DCC: variants seen among roughly 807,000 people sequenced by gnomAD.
DCC encodes the protein DCC netrin 1 receptor, also known as netrin receptor DCC.
Under a neutral mutation model 172.5 loss-of-function variants are expected in DCC, and 58 were observed. The observed-to-expected ratio is 0.34, with a 90% CI of 0.27 to 0.42. DCC has a LOEUF of 0.42. Among genes scored for constraint, DCC ranks in the 10% least tolerant of loss-of-function variants. The probability of loss-of-function intolerance (pLI) is 1.00; values close to 1 mark genes in which losing one functional copy is unlikely to be tolerated. For synonymous variants in DCC, 709 were observed against 644.5 expected (o/e 1.10, Z -1.52); for missense variants, 1,740 against 1,791.0 (o/e 0.97, Z 0.51).
At chr18:53,368,700 C>A (rs1467687679) in intron 15 of DCC, among the ~76,000 whole-genome samples, 1 of 152,006 alleles carries the variant, frequency 6.6e-6, no homozygotes, top group Non-Finnish European at 1.5e-5. Context: ...AAAAGACTGT[C>A]CTTTCTCCAT....
chr18:52,916,883 T>G (rs1307248328), intron 3 of DCC, among the ~76,000 whole-genome samples: 2 of 152,194 alleles, frequency 1.3e-5, no homozygotes, highest in Non-Finnish European at 2.9e-5. Flanking sequence ...CCAATAATTT[T>G]TAAGATTTAT....
intron 7 of DCC, among the ~76,000 whole-genome samples, chr18:53,118,049 C>G (rs1017303685): frequency 6.6e-6 from 1 of 151,806 alleles, no homozygotes; most frequent in Non-Finnish European, 1.5e-5. Context: ...TCATCATAAA[C>G]ACCTCTGTTG....
intron 7 of DCC, among the ~76,000 whole-genome samples, chr18:53,085,832 T>A (rs1301806214): frequency 2.0e-5 from 3 of 151,550 alleles, no homozygotes; most frequent in East Asian, 1.9e-4. Flanking sequence ...TCAAAAAAAA[T>A]TCAGTTATTA....
intron 12 of DCC, among the ~76,000 whole-genome samples, chr18:53,240,019 C>A (rs1598937080): frequency 6.2e-5 from 6 of 96,238 alleles, no homozygotes; most frequent in Admixed American, 1.3e-4. Flanking sequence ...AATTCTAGTT[C>A]TAGAGTTAAA....
intron 2 of DCC, among the ~76,000 whole-genome samples, chr18:52,832,971 T>G (rs1235134480): frequency 6.6e-6 from 1 of 152,148 alleles, no homozygotes; most frequent in African/African-American, 2.4e-5. Flanking sequence ...ACTCTTAGAT[T>G]AGCCATATGC....
At chr18:52,643,647 C>T (rs892786465) in intron 1 of DCC, among the ~76,000 whole-genome samples, 2 of 152,118 alleles carry the variant, frequency 1.3e-5, no homozygotes, top group Admixed American at 1.3e-4. Context: ...TTGAAAGGAC[C>T]AGTCTGTGCC....
chr18:52,517,832 A>G (rs1006318982), intron 1 of DCC, among the ~76,000 whole-genome samples: 1 of 152,154 alleles, frequency 6.6e-6, no homozygotes, highest in Non-Finnish European at 1.5e-5. Context: ...TTAATTTTAA[A>G]GGGATTAGGA....
chr18:53,045,165 A>G (rs1004048577), intron 5 of DCC, among the ~76,000 whole-genome samples: 1 of 151,918 alleles, frequency 6.6e-6, no homozygotes, highest in Non-Finnish European at 1.5e-5. Context: ...GGTAAGTACA[A>G]TTATGCAAAT....
intron 1 of DCC, among the ~76,000 whole-genome samples, chr18:52,513,441 T>C (rs1321343955): frequency 6.6e-6 from 1 of 152,216 alleles, no homozygotes; most frequent in African/African-American, 2.4e-5. Flanking sequence ...TTGAAATCTG[T>C]ATAAAGCTCT....
intron 16 of DCC, among the ~76,000 whole-genome samples, chr18:53,389,235 A>T (rs894259512): frequency 6.6e-6 from 1 of 151,932 alleles, no homozygotes; most frequent in Non-Finnish European, 1.5e-5. Context: ...CTTGAATGTA[A>T]CCACTCAGAG....
At chr18:53,529,223 T>C (rs2046498645) in intron 28 of DCC, among the ~76,000 whole-genome samples, 1 of 152,158 alleles carries the variant, frequency 6.6e-6, no homozygotes, top group Non-Finnish European at 1.5e-5. Flanking sequence ...ATTAATACCA[T>C]ACATTTTGAG....
At chr18:52,446,434 T>G (rs1988125473) in intron 1 of DCC, among the ~76,000 whole-genome samples, 1 of 152,248 alleles carries the variant, frequency 6.6e-6, no homozygotes, top group Non-Finnish European at 1.5e-5. Context: ...CTTCTTTTCC[T>G]GGCTTCAATA....
intron 2 of DCC, among the ~76,000 whole-genome samples, chr18:52,830,105 T>C (rs774302931): frequency 6.6e-6 from 1 of 151,958 alleles, no homozygotes; most frequent in South Asian, 2.1e-4. Flanking sequence ...TAGACCAGCA[T>C]GAAGGGAAGT....
intron 12 of DCC, among the ~76,000 whole-genome samples, chr18:53,234,365 G>A (rs969145247): frequency 1.3e-5 from 2 of 152,062 alleles, no homozygotes; most frequent in Non-Finnish European, 2.9e-5. Context: ...GGAGGCAGAG[G>A]TTGCAGTGCG....
chr18:53,505,651 C>A (rs573304483), intron 27 of DCC, among the ~76,000 whole-genome samples: 1 of 152,186 alleles, frequency 6.6e-6, no homozygotes, highest in Non-Finnish European at 1.5e-5. Flanking sequence ...TATTCAGTGG[C>A]CATCCAGATA....
chr18:53,516,176 C>T (rs1223484789), intron 27 of DCC, among the ~76,000 whole-genome samples: 2 of 150,996 alleles, frequency 1.3e-5, no homozygotes, highest in African/African-American at 2.5e-5. Context: ...CTTTGACAAA[C>T]CTGAGAAAAA....
At chr18:52,895,759 T>A (rs1225903564) in intron 2 of DCC, among the ~76,000 whole-genome samples, 1 of 152,188 alleles carries the variant, frequency 6.6e-6, no homozygotes, top group African/African-American at 2.4e-5. Context: ...ATGTATGGAT[T>A]CCTAGAAGAA....
At chr18:53,264,332 C>A (rs2056642446) in intron 12 of DCC, among the ~76,000 whole-genome samples, 1 of 151,852 alleles carries the variant, frequency 6.6e-6, no homozygotes, top group Non-Finnish European at 1.5e-5. Flanking sequence ...ATTAAAAATG[C>A]AAAAATTAGC....
chr18:52,388,614 A>G (rs928946118), intron 1 of DCC, among the ~76,000 whole-genome samples: 4 of 151,908 alleles, frequency 2.6e-5, no homozygotes, highest in South Asian at 4.2e-4. Context: ...GTATTTCAGC[A>G]AAGTTTTTAT....
Sources: allele counts gnomAD v4.1 joint callset (sites outside exome capture counted in the v4.1 genomes callset), GRCh38; gene constraint gnomAD v4.1.1; transcripts MANE v1.5; gene names NCBI Gene and HGNC (gene_info 2026-07-23, HGNC 2026-07-21).